BCAP31: variants seen among roughly 807,000 people sequenced by gnomAD.
BCAP31 encodes B-cell receptor-associated protein 31.
For synonymous variants in BCAP31, 75 were observed against 80.9 expected, an observed-to-expected ratio of 0.93 and a Z score of 0.39; for missense variants, 124 against 193.0, an observed-to-expected ratio of 0.64 and a Z score of 2.12.
rs563668187 is a variant in BCAP31, at chrX:153,717,039, C to A, written c.194-1350G>T. Reference sequence around the variant, plus strand: ...CATTTTTAGTCACATTACACTGTTACCTGCTTCGTAATAGACATCCATCTC... The same window carrying A: ...CATTTTTAGTCACATTACACTGTTAACTGCTTCGTAATAGACATCCATCTC... On this transcript the variant is annotated intron_variant, in intron 3 of 7. Coordinates refer to ENST00000345046, the MANE Select transcript of BCAP31 (RefSeq NM_001256447.2). Among the ~76,000 whole-genome samples the A allele has an allele frequency of 1.2e-4, 14 of 112,463 alleles. No homozygotes were observed. In the South Asian group the frequency reaches 5.2e-3, roughly 42 times the overall value.
intron 4 of BCAP31, among the ~76,000 whole-genome samples, chrX:153,713,337 G>A (rs1474648664): frequency 3.6e-5 from 4 of 111,716 alleles, no homozygotes; most frequent in Admixed American, 1.9e-4. Flanking sequence ...CCCACACTTC[G>A]GCATCTGGTC....
At chrX:153,721,483 T>C (rs782395036) in intron 2 of BCAP31, among the ~76,000 whole-genome samples, 1 of 102,630 alleles carries the variant, frequency 9.7e-6, no homozygotes, top group Non-Finnish European at 2.0e-5. Context: ...GATCAAAATG[T>C]CTGGAAAACT....
chrX:153,711,795 C>G (rs1187314638), intron 4 of BCAP31, among the ~76,000 whole-genome samples: 3 of 108,539 alleles, frequency 2.8e-5, no homozygotes, highest in Non-Finnish European at 3.8e-5. Context: ...GTCCCAGCTA[C>G]TTGGGAGGCT....
intron 6 of BCAP31, chrX:153,702,447 A>C: frequency 4.5e-6 from 1 of 224,132 alleles, no homozygotes; most frequent in Non-Finnish European, 8.0e-6. Context: ...GCGAGACCCA[A>C]TGACAACCAC....
chrX:153,723,650 C>A (rs782473042), intron 1 of BCAP31: 27 of 1,157,444 alleles, frequency 2.3e-5, no homozygotes, highest in Non-Finnish European at 3.1e-5. Flanking sequence ...AAGAGGAGGA[C>A]GCCTCGGCAC....
intron 4 of BCAP31, among the ~76,000 whole-genome samples, chrX:153,709,963 G>A (rs1361166263): frequency 8.9e-6 from 1 of 112,603 alleles, no homozygotes; most frequent in Non-Finnish European, 1.9e-5. Flanking sequence ...GGGTCAGCCG[G>A]GAACATGGTG....
In BCAP31 at chrX:153,702,457, C is replaced by T; in HGVS notation, c.602-350G>A. ...TGCAAGCGAGACCCAATGACAACCA[C>T]GCCTTGCACACAGCAGCAGCAGGCG... On this transcript the variant is annotated intron_variant, in intron 6 of 7. Transcript: ENST00000345046. 9.5e-6 allele frequency: 2 copies of T among 211,391 alleles called. 1 individual carries two copies. The highest frequency in any genetic ancestry group is 1.9e-4 in the South Asian group (2 of 10,687). The allele number at this position is 211,391 out of a possible 1,213,427, so 17.4% of individuals were successfully genotyped here. A position where few individuals can be genotyped will look rare whatever the true frequency, so the allele number is the denominator to read the frequency against.
chrX:153,719,098 A>T (rs1358092174), intron 3 of BCAP31, among the ~76,000 whole-genome samples: 3 of 111,896 alleles, frequency 2.7e-5, no homozygotes, highest in Non-Finnish European at 5.6e-5. Flanking sequence ...CCCCGATCCC[A>T]AAAAAGAATG....
intron 3 of BCAP31, 146 bp downstream of exon 3, chrX:153,720,726 C>T (rs2091659094): frequency 4.0e-6 from 2 of 502,266 alleles, no homozygotes; most frequent in African/African-American, 2.4e-5. Flanking sequence ...GGAGCCTCTT[C>T]CCTCCCTCAA....
intron 6 of BCAP31, among the ~76,000 whole-genome samples, chrX:153,702,698 C>T (rs1439229333): frequency 2.7e-5 from 3 of 112,691 alleles, no homozygotes; most frequent in Non-Finnish European, 3.8e-5. Flanking sequence ...TCGAGGCCCA[C>T]CAACTGCAGC....
intron 4 of BCAP31, among the ~76,000 whole-genome samples, chrX:153,714,475 T>G (rs1481885388): frequency 2.7e-5 from 3 of 111,417 alleles, no homozygotes; most frequent in Non-Finnish European, 5.7e-5. Context: ...ATCAAACCCA[T>G]TATCTTGAAA....
intron 2 of BCAP31, 52 bp from the exon 3 acceptor site, chrX:153,721,024 C>A: frequency 9.4e-7 from 1 of 1,066,024 alleles, no homozygotes; most frequent in Non-Finnish European, 1.3e-6. Context: ...CACACACGAG[C>A]TCTAGGGCCC....
chrX:153,704,552 C>T (rs1557048050), intron 4 of BCAP31, among the ~76,000 whole-genome samples: 2 of 112,370 alleles, frequency 1.8e-5, no homozygotes, highest in African/African-American at 6.5e-5. Flanking sequence ...GAGGAAGTTA[C>T]TATCACTGCC....
chrX:153,717,611 G>A (rs146724819), intron 3 of BCAP31, among the ~76,000 whole-genome samples: 2,332 of 112,143 alleles, frequency 0.021, 50 homozygotes, highest in African/African-American at 0.071. Flanking sequence ...GGTAGAGACG[G>A]GGTTTCGCCA....
chrX:153,715,822 T>C, intron 3 of BCAP31, 133 bp from the exon 4 acceptor site: 1 of 784,171 alleles, frequency 1.3e-6, no homozygotes, highest in Non-Finnish European at 1.9e-6. Flanking sequence ...TTCTTCCCAC[T>C]TCTATGCACA....
intron 4 of BCAP31, chrX:153,705,378 G>A (rs1412949706): frequency 8.8e-6 from 1 of 113,219 alleles, no homozygotes; most frequent in Non-Finnish European, 1.9e-5. Flanking sequence ...CACCCCTGAG[G>A]TTCCTGGTTT....
At chrX:153,720,107 C>A (rs1285005094) in intron 3 of BCAP31, among the ~76,000 whole-genome samples, 1 of 111,771 alleles carries the variant, frequency 8.9e-6, no homozygotes, top group Non-Finnish European at 1.9e-5. Flanking sequence ...TCACTGTGTG[C>A]TTGGTTGCTC....
At chrX:153,718,614 G>T (rs968798773) in intron 3 of BCAP31, among the ~76,000 whole-genome samples, 1 of 112,197 alleles carries the variant, frequency 8.9e-6, no homozygotes, top group African/African-American at 3.2e-5. Context: ...TGGGATTATG[G>T]GGAGTTTAAC....
chrX:153,717,346 C>T (rs2091636214), intron 3 of BCAP31, among the ~76,000 whole-genome samples: 1 of 112,554 alleles, frequency 8.9e-6, no homozygotes, highest in Non-Finnish European at 1.9e-5. Context: ...CCTGAGACAT[C>T]GTTTTAAGTC....
Sources: allele counts gnomAD v4.1 joint callset (sites outside exome capture counted in the v4.1 genomes callset), GRCh38; gene constraint gnomAD v4.1.1; transcripts MANE v1.5; gene names NCBI Gene and HGNC (gene_info 2026-07-23, HGNC 2026-07-21).